The following FHIP1A variants were observed in gnomAD, a reference collection of about 807,000 sequenced individuals.
The protein encoded by FHIP1A is FHF complex subunit HOOK-interacting protein 1A.
Under a neutral mutation model 88.6 loss-of-function variants are expected in FHIP1A, and 61 were observed. The ratio of observed to expected loss-of-function variants is 0.69; its 90% CI spans 0.56 to 0.85. The LOEUF is 0.85. Ranked by LOEUF, FHIP1A falls within the 40% of genes least tolerant of loss-of-function variation. The pLI is 0.00. For missense variants in FHIP1A, 1,154 were observed against 1,273.5 expected (o/e 0.91, Z 1.43); for synonymous variants, 478 against 496.0 (o/e 0.96, Z 0.48).
At chr4:151,620,400 A>G (rs1387633726) in intron 7 of FHIP1A, among the ~76,000 whole-genome samples, 2 of 152,182 alleles carry the variant, frequency 1.3e-5, no homozygotes, top group African/African-American at 2.4e-5. Flanking sequence ...ATCTATTTCT[A>G]ATTTGCAGAA....
chr4:151,629,277 G>A (rs930810309), intron 7 of FHIP1A, among the ~76,000 whole-genome samples: 7 of 152,166 alleles, frequency 4.6e-5, no homozygotes, highest in East Asian at 3.9e-4. Context: ...TCAGCTCCTC[G>A]TACATAACAG....
At chr4:151,458,919 A>G (rs1729056909) in intron 2 of FHIP1A, among the ~76,000 whole-genome samples, 1 of 152,148 alleles carries the variant, frequency 6.6e-6, no homozygotes, top group Non-Finnish European at 1.5e-5. Context: ...AAGTATCCTC[A>G]CAAACTCTTG....
At chr4:151,507,879 A>G (rs1351078050) in intron 3 of FHIP1A, among the ~76,000 whole-genome samples, 3 of 152,202 alleles carry the variant, frequency 2.0e-5, no homozygotes, top group Non-Finnish European at 4.4e-5. Flanking sequence ...ATTGTGTTAT[A>G]TATTATTTAA....
chr4:151,572,687 A>G (rs1456557114), intron 4 of FHIP1A, among the ~76,000 whole-genome samples: 2 of 152,238 alleles, frequency 1.3e-5, no homozygotes, highest in South Asian at 2.1e-4. Context: ...TTTTTCCACA[A>G]TGCCACCTTA....
intron 3 of FHIP1A, among the ~76,000 whole-genome samples, chr4:151,499,729 G>A (rs922854652): frequency 2.6e-5 from 4 of 152,174 alleles, no homozygotes; most frequent in Admixed American, 2.6e-4. Context: ...GGAAGGGGAA[G>A]CAAACACATC....
Position 151,650,295 on chromosome 4 carries a change from A to T in FHIP1A, c.2254A>T (p.Ile752Phe). The T allele has an allele frequency of 6.4e-7, 1 of 1,550,812 alleles. No individual in the cohort carries two copies. The highest frequency in any genetic ancestry group is 8.7e-7 in the Non-Finnish European group (1 of 1,146,172). ...CGCCCACCCGGAGAGCGAGGAGCTCATTGCCCAGTATGACCAAATCATTAA... is the reference window on the plus strand; with the variant it reads ...CGCCCACCCGGAGAGCGAGGAGCTCTTTGCCCAGTATGACCAAATCATTAA... ...TAAHPESEEL[I>F]AQYDQIIKEL... The change falls in exon 11 of 14, where the codon ATT becomes TTT. Residue 752 changes from isoleucine (I) to phenylalanine (F), a missense_variant. By Grantham distance (21) the Ile-to-Phe change is conservative. Coordinates refer to ENST00000435205, the MANE Select transcript of FHIP1A (RefSeq NM_001109977.3).
intron 3 of FHIP1A, among the ~76,000 whole-genome samples, chr4:151,486,347 G>C (rs560987549): frequency 1.3e-5 from 2 of 152,242 alleles, no homozygotes; most frequent in African/African-American, 2.4e-5. Context: ...TTCTCAAACT[G>C]TGTGCACATG....
At chr4:151,589,795 G>C (rs1734356786) in intron 7 of FHIP1A, among the ~76,000 whole-genome samples, 1 of 152,182 alleles carries the variant, frequency 6.6e-6, no homozygotes. Context: ...GTTTAGAGCA[G>C]ATCTTGACAG....
intron 3 of FHIP1A, among the ~76,000 whole-genome samples, chr4:151,504,534 T>C (rs1328960471): frequency 6.6e-6 from 1 of 151,986 alleles, no homozygotes; most frequent in Non-Finnish European, 1.5e-5. Flanking sequence ...AACAAGAAAT[T>C]TATTAGCTCA....
At chr4:151,617,902 G>A (rs1735602852) in intron 7 of FHIP1A, among the ~76,000 whole-genome samples, 1 of 152,014 alleles carries the variant, frequency 6.6e-6, no homozygotes, top group African/African-American at 2.4e-5. Context: ...AAGAAAAAGT[G>A]TATTCATCTG....
At chr4:151,459,332 A>T (rs1294131577) in intron 2 of FHIP1A, among the ~76,000 whole-genome samples, 1 of 152,226 alleles carries the variant, frequency 6.6e-6, no homozygotes, top group Non-Finnish European at 1.5e-5. Flanking sequence ...TTTTAAATAG[A>T]TACTGAAGGA....
At chr4:151,464,617 C>A (rs568199333) in intron 2 of FHIP1A, among the ~76,000 whole-genome samples, 1 of 152,276 alleles carries the variant, frequency 6.6e-6, no homozygotes, top group East Asian at 1.9e-4. Context: ...CAAGTTCTTC[C>A]TCTGCATTTG....
chr4:151,506,706 A>T (rs567606646), intron 3 of FHIP1A, among the ~76,000 whole-genome samples: 1 of 152,104 alleles, frequency 6.6e-6, no homozygotes, highest in African/African-American at 2.4e-5. Context: ...TCAAGGATCC[A>T]CCCTCATGAT....
At chr4:151,610,582 C>T (rs1409808570) in intron 7 of FHIP1A, among the ~76,000 whole-genome samples, 1 of 152,184 alleles carries the variant, frequency 6.6e-6, no homozygotes. Context: ...TGTAGACTCA[C>T]TTCTCCAGCT....
chr4:151,613,742 A>G lies in FHIP1A; in HGVS notation c.979-15960A>G, dbSNP rs866723391. Among the ~76,000 whole-genome samples, 4 of 152,312 alleles carry G rather than the reference A, an allele frequency of 2.6e-5. No homozygotes were observed. The South Asian group carries it at 8.3e-4, about 32-fold the overall frequency. On this transcript the variant is annotated intron_variant, in intron 7 of 13. Transcript: ENST00000435205. ...TCAGAAGCAACAAGGGATGCCTGGCACTAGACCTGGAGATAATTATTTAAC... is the reference window on the plus strand; with the variant it reads ...TCAGAAGCAACAAGGGATGCCTGGCGCTAGACCTGGAGATAATTATTTAAC...
intron 2 of FHIP1A, among the ~76,000 whole-genome samples, chr4:151,464,210 G>A (rs1729230636): frequency 6.6e-6 from 1 of 152,112 alleles, no homozygotes; most frequent in Non-Finnish European, 1.5e-5. Context: ...TTTCTGTAAT[G>A]TGTCATTTAG....
intron 3 of FHIP1A, among the ~76,000 whole-genome samples, chr4:151,502,167 A>AG (rs2126664316): frequency 1.3e-5 from 2 of 150,982 alleles, no homozygotes; most frequent in South Asian, 2.1e-4. Flanking sequence ...GAAAAAAAAA[A>AG]AAAAAAGAAA....
At chr4:151,422,078 A>T (rs1054934801) in intron 1 of FHIP1A, among the ~76,000 whole-genome samples, 2 of 151,892 alleles carry the variant, frequency 1.3e-5, no homozygotes, top group African/African-American at 4.8e-5. Flanking sequence ...CTGCTTTGAC[A>T]AAGTCTTCTG....
intron 3 of FHIP1A, among the ~76,000 whole-genome samples, chr4:151,496,597 A>AG (rs1730470047): frequency 6.6e-6 from 1 of 151,792 alleles, no homozygotes. Flanking sequence ...CACTCAGGCT[A>AG]GGGTGCAGTG....
Sources: gnomAD v4.1 joint callset for allele counts (sites outside exome capture counted in the v4.1 genomes callset) on GRCh38, gnomAD v4.1.1 for gene constraint, MANE v1.5 for transcripts, NCBI Gene and HGNC (gene_info 2026-07-23, HGNC 2026-07-21) for gene names.